SNTG1: variants seen among roughly 807,000 people sequenced by gnomAD.
The protein encoded by SNTG1 is syntrophin gamma 1.
SNTG1 carries 39 observed loss-of-function variants against 74.7 expected under a neutral mutation model. That is an observed-to-expected ratio of 0.52 (90% confidence interval 0.40 to 0.68). The LOEUF (loss-of-function observed/expected upper bound fraction) is 0.68. Among genes scored for constraint, SNTG1 ranks in the 30% least tolerant of loss-of-function variants. The pLI is 0.00. For missense variants in SNTG1, 685 were observed against 609.5 expected (o/e 1.12, Z -1.30); for synonymous variants, 254 against 217.1 (o/e 1.17, Z -1.49).
intron 1 of SNTG1, among the ~76,000 whole-genome samples, chr8:50,036,191 T>G (rs1471169801): frequency 6.6e-6 from 1 of 152,182 alleles, no homozygotes; most frequent in East Asian, 1.9e-4. Flanking sequence ...CAGATAGGCT[T>G]TGACATACAT....
At chr8:50,370,161 G>T (rs974565128) in intron 2 of SNTG1, among the ~76,000 whole-genome samples, 1 of 152,184 alleles carries the variant, frequency 6.6e-6, no homozygotes, top group African/African-American at 2.4e-5. Flanking sequence ...ATAAAAGGAT[G>T]AGTTCAGGAA....
intron 1 of SNTG1, among the ~76,000 whole-genome samples, chr8:49,935,231 GTGTGTGTGTT>G (rs1487190819): frequency 6.6e-6 from 1 of 150,564 alleles, no homozygotes; most frequent in Non-Finnish European, 1.5e-5. Flanking sequence ...GTGTGTGTGT[GTGTGTGTGTT>G]TGTGTGTGTT....
intron 2 of SNTG1, among the ~76,000 whole-genome samples, chr8:50,388,613 C>T (rs1587430777): frequency 6.6e-6 from 1 of 152,070 alleles, no homozygotes; most frequent in Non-Finnish European, 1.5e-5. Flanking sequence ...TGGGATTCAG[C>T]AAGTCTAAAA....
chr8:50,023,066 C>T lies in SNTG1; in HGVS notation c.-103+110835C>T, dbSNP rs146864193. On this transcript the variant is annotated intron_variant, in intron 1 of 18. Transcript: ENST00000642720. ...TATGTCAACACCAGTCTGAGAAATC[C>T]GGTCCCCAAGGGGAGATCAACAAGG... Among the ~76,000 whole-genome samples the T allele has an allele frequency of 3.5e-3, 535 of 152,204 alleles. 5 individuals are homozygous for T. The highest frequency in any genetic ancestry group is 0.011 in the African/African-American group (442 of 41,526).
intron 1 of SNTG1, among the ~76,000 whole-genome samples, chr8:49,919,096 G>C (rs559157840): frequency 8.6e-5 from 13 of 151,908 alleles, no homozygotes; most frequent in Non-Finnish European, 1.6e-4. Context: ...TCCTGTCTAT[G>C]TTTCTGTTTC....
intron 1 of SNTG1, among the ~76,000 whole-genome samples, chr8:50,095,083 T>G (rs2131187818): frequency 6.6e-6 from 1 of 152,254 alleles, no homozygotes; most frequent in African/African-American, 2.4e-5. Context: ...ATATTCTCAC[T>G]TACAAATGAC....
At chr8:50,002,047 G>C (rs1814788014) in intron 1 of SNTG1, among the ~76,000 whole-genome samples, 1 of 152,124 alleles carries the variant, frequency 6.6e-6, no homozygotes, top group South Asian at 2.1e-4. Flanking sequence ...AATCAGGTTT[G>C]TCATGCACTT....
At position 50,136,138 on chromosome 8, in the gene SNTG1, T is replaced by C. The variant is rs74407423; in HGVS notation, c.-102-36423T>C. ...CATGGTCTATATGTACCACATTTTC[T>C]TTAACAAGACCAACTATTCATGGAT... On this transcript the variant is annotated intron_variant, in intron 1 of 18. Transcript: ENST00000642720. 7.8e-3 allele frequency among the ~76,000 whole-genome samples: 1,181 copies of C among 152,350 alleles called. 20 individuals are homozygous for C. The highest frequency in any genetic ancestry group is 0.026 in the African/African-American group (1,088 of 41,588).
intron 1 of SNTG1, among the ~76,000 whole-genome samples, chr8:50,016,918 A>G (rs1052877156): frequency 1.3e-5 from 2 of 152,140 alleles, no homozygotes; most frequent in Non-Finnish European, 2.9e-5. Context: ...TCAGAAACCA[A>G]GGAAGCTGGA....
chr8:50,345,271 G>T (rs978964053), intron 2 of SNTG1, among the ~76,000 whole-genome samples: 7 of 152,224 alleles, frequency 4.6e-5, no homozygotes, highest in Admixed American at 2.6e-4. Flanking sequence ...AACAGGGAAT[G>T]CTGGAGACTC....
intron 1 of SNTG1, among the ~76,000 whole-genome samples, chr8:50,007,614 A>G (rs754376069): frequency 6.6e-6 from 1 of 152,164 alleles, no homozygotes; most frequent in South Asian, 2.1e-4. Flanking sequence ...GGTTTCAGAT[A>G]TGCTACATGG....
intron 1 of SNTG1, among the ~76,000 whole-genome samples, chr8:50,067,564 C>T (rs2130979004): frequency 6.6e-6 from 1 of 152,256 alleles, no homozygotes; most frequent in East Asian, 1.9e-4. Flanking sequence ...TTTTAGTCTT[C>T]CCTTTGACAA....
intron 11 of SNTG1, among the ~76,000 whole-genome samples, chr8:50,549,512 C>A (rs2094411042): frequency 1.3e-5 from 2 of 152,116 alleles, no homozygotes; most frequent in South Asian, 4.1e-4. Context: ...ATATCCTTCA[C>A]CCCACAGAGA....
intron 1 of SNTG1, among the ~76,000 whole-genome samples, chr8:50,083,046 G>T (rs769689783): frequency 6.6e-6 from 1 of 152,132 alleles, no homozygotes; most frequent in Non-Finnish European, 1.5e-5. Flanking sequence ...AAAGCTGCTG[G>T]TTTTCATATC....
chr8:50,199,533 G>A lies in SNTG1; in HGVS notation c.-28+26898G>A, dbSNP rs557290798. ...CGCCTGGCAGGACTTAACTTCTGAT[G>A]TGCTCATAGTAAAGCAAATCAACCA... On this transcript the variant is annotated intron_variant, in intron 2 of 18. Coordinates refer to ENST00000642720, the MANE Select transcript of SNTG1 (RefSeq NM_018967.5). Among the ~76,000 whole-genome samples the A allele has an allele frequency of 7.2e-5, 11 of 152,240 alleles. No homozygotes were observed. In the South Asian group the frequency reaches 2.3e-3, roughly 32 times the overall value.
intron 2 of SNTG1, among the ~76,000 whole-genome samples, chr8:50,357,818 A>G (rs1033241685): frequency 6.6e-6 from 1 of 152,158 alleles, no homozygotes; most frequent in Non-Finnish European, 1.5e-5. Flanking sequence ...GCTTCATAAG[A>G]AAAAAATACT....
chr8:50,419,007 T>C (rs916837628), intron 4 of SNTG1, among the ~76,000 whole-genome samples: 4 of 151,966 alleles, frequency 2.6e-5, no homozygotes, highest in African/African-American at 7.2e-5. Context: ...ATGACTATTA[T>C]CTTTTAAAAA....
At chr8:50,003,878 T>A (rs967123080) in intron 1 of SNTG1, among the ~76,000 whole-genome samples, 3 of 152,082 alleles carry the variant, frequency 2.0e-5, no homozygotes, top group African/African-American at 4.8e-5. Flanking sequence ...TTTTCTGGAG[T>A]CTGTTACTGG....
intron 18 of SNTG1, among the ~76,000 whole-genome samples, chr8:50,761,864 T>A (rs1313147851): frequency 6.6e-6 from 1 of 151,998 alleles, no homozygotes; most frequent in Non-Finnish European, 1.5e-5. Flanking sequence ...TTTAAAAGCA[T>A]GTGACCTTAC....
Sources: gnomAD v4.1 joint callset for allele counts (sites outside exome capture counted in the v4.1 genomes callset) on GRCh38, gnomAD v4.1.1 for gene constraint, MANE v1.5 for transcripts, NCBI Gene and HGNC (gene_info 2026-07-23, HGNC 2026-07-21) for gene names.